The following ABCA12 variants were observed in gnomAD, a reference collection of about 807,000 sequenced individuals.
ABCA12 encodes ATP binding cassette subfamily A member 12, also known as glucosylceramide transporter ABCA12.
ABCA12 carries 156 observed loss-of-function variants against 293.5 expected under a neutral mutation model. The ratio of observed to expected loss-of-function variants is 0.53; its 90% CI spans 0.47 to 0.61. The LOEUF (loss-of-function observed/expected upper bound fraction) is 0.61, where lower values mean the gene tolerates loss of function less well. ABCA12 is among the 20% of genes least tolerant of loss of function. The pLI is 0.00. For synonymous variants in ABCA12, 1,063 were observed against 1,108.0 expected (o/e 0.96, Z 0.81); for missense variants, 2,797 against 3,090.2 (o/e 0.91, Z 2.25).
chr2:215,108,087 G>A (rs1337029798), intron 2 of ABCA12, among the ~76,000 whole-genome samples: 1 of 152,114 alleles, frequency 6.6e-6, no homozygotes, highest in African/African-American at 2.4e-5. Context: ...CCATGGCTGA[G>A]TTTCATTTAG....
At chr2:215,112,214 A>T (rs932707082) in intron 1 of ABCA12, among the ~76,000 whole-genome samples, 6 of 152,206 alleles carry the variant, frequency 3.9e-5, no homozygotes, top group African/African-American at 7.2e-5. Context: ...CAAAAAAGAA[A>T]TAATTGAGTC....
intron 34 of ABCA12, 141 bp from the exon 35 acceptor site, chr2:214,975,005 C>G (rs1176239365): frequency 1.3e-6 from 1 of 753,632 alleles, no homozygotes; most frequent in Non-Finnish European, 2.2e-6. Context: ...CCGTGTTGCC[C>G]AGGCTGGAGT....
chr2:215,050,302 T>C (rs1374400405), intron 5 of ABCA12, among the ~76,000 whole-genome samples: 1 of 151,976 alleles, frequency 6.6e-6, no homozygotes, highest in African/African-American at 2.4e-5. Context: ...AAATATAGAT[T>C]GCTTCATTTG....
At chr2:214,999,324 G>A (rs1700095622) in intron 22 of ABCA12, among the ~76,000 whole-genome samples, 1 of 152,172 alleles carries the variant, frequency 6.6e-6, no homozygotes, top group Non-Finnish European at 1.5e-5. Flanking sequence ...CTAGTATAAA[G>A]CAGAAATGTT....
At chr2:215,044,417 A>G (rs559645460) in intron 7 of ABCA12, 3 of 152,310 alleles carry the variant, frequency 2.0e-5, no homozygotes, top group Admixed American at 6.5e-5. Context: ...CTGCTACACT[A>G]TACAAGTCAA....
intron 7 of ABCA12, among the ~76,000 whole-genome samples, chr2:215,039,379 T>C (rs989573502): frequency 1.3e-5 from 2 of 152,234 alleles, no homozygotes; most frequent in Non-Finnish European, 2.9e-5. Flanking sequence ...TTAGTGACAC[T>C]GTCAGCTTTA....
intron 3 of ABCA12, among the ~76,000 whole-genome samples, chr2:215,058,515 C>T (rs1386524345): frequency 6.6e-6 from 1 of 152,004 alleles, no homozygotes; most frequent in Non-Finnish European, 1.5e-5. Context: ...CTATCTCATA[C>T]TGGATATCTC....
chr2:215,133,685 A>G (rs942623652), intron 1 of ABCA12, among the ~76,000 whole-genome samples: 2 of 152,120 alleles, frequency 1.3e-5, no homozygotes, highest in African/African-American at 2.4e-5. Context: ...TAACATTTCT[A>G]TTAGTACTTA....
At chr2:215,007,603 G>A (rs1700281922) in intron 19 of ABCA12, 124 bp downstream of exon 19, 3 of 1,279,086 alleles carry the variant, frequency 2.3e-6, no homozygotes, top group African/African-American at 1.5e-5. Flanking sequence ...CTTCTCTCTG[G>A]AAGAGAGGCA....
Position 214,974,777 on chromosome 2 carries a change from C to G in ABCA12, c.5468+1G>C. 1 of 1,613,882 alleles carries G rather than the reference C, an allele frequency of 6.2e-7. No individual in the cohort carries two copies. The highest frequency in any genetic ancestry group is 2.2e-5 in the East Asian group (1 of 44,870). ...AAAATAGAAGAGCAAGAACCACTTA[C>G]AGATCACTGGTGTTCAGACACATGT... On this transcript the variant is annotated splice_donor_variant, in intron 35 of 52. Transcript: ENST00000272895. LOFTEE classifies it high-confidence loss of function.
intron 2 of ABCA12, among the ~76,000 whole-genome samples, chr2:215,099,604 G>A (rs765177918): frequency 5.9e-5 from 9 of 151,338 alleles, no homozygotes; most frequent in Non-Finnish European, 1.0e-4. Context: ...GAGGCAGTAG[G>A]ATCACTTGAA....
intron 2 of ABCA12, among the ~76,000 whole-genome samples, chr2:215,110,276 C>A (rs145800632): frequency 2.0e-5 from 3 of 152,026 alleles, no homozygotes; most frequent in African/African-American, 7.2e-5. Context: ...TTTGGGAGGC[C>A]GAGGTGGGTG....
In ABCA12 at chr2:215,012,150, A is replaced by G. The variant is rs759682630; in HGVS notation, c.1957-15T>C. On this transcript the variant is annotated splice_polypyrimidine_tract_variant and intron_variant, in intron 15 of 52. Transcript: ENST00000272895. ...GGGAAAAACACCTAACAGAAACAGA[A>G]TAAAAATAAATGCTTTATGTGGAAA... The G allele has an allele frequency of 6.2e-7, 1 of 1,612,758 alleles. No individual in the cohort carries two copies. Among genetic ancestry groups the G allele is most frequent in the Non-Finnish European group, 8.5e-7 (1 of 1,179,162 alleles).
intron 45 of ABCA12, 53 bp downstream of exon 45, chr2:214,950,826 T>C: frequency 6.4e-7 from 1 of 1,572,054 alleles, no homozygotes; most frequent in Admixed American, 1.7e-5. Flanking sequence ...TTTTAATTTG[T>C]CACATAGTAT....
intron 9 of ABCA12, among the ~76,000 whole-genome samples, chr2:215,028,274 A>G (rs1700793902): frequency 1.3e-5 from 2 of 152,252 alleles, no homozygotes; most frequent in Non-Finnish European, 1.5e-5. Flanking sequence ...GGGTGTTTAA[A>G]TGTGGGTTAA....
chr2:215,000,786 A>G lies in ABCA12; in HGVS notation c.3098T>C (p.Ile1033Thr), dbSNP rs754684869. 15 of 1,614,026 alleles carry G rather than the reference A, an allele frequency of 9.3e-6. No individual in the cohort carries two copies. The highest frequency in any genetic ancestry group is 2.2e-5 in the East Asian group (1 of 44,898). The change falls in exon 22 of 53, where the codon ATT becomes ACT. Residue 1033 changes from isoleucine (I) to threonine (T), a missense_variant. By Grantham distance (89) the Ile-to-Thr change is moderately conservative. Around this residue, in one of 3 missense-constraint regions of ABCA12, gnomAD observed 2,130 missense variants for 2,427.0 expected, o/e 0.88. Transcript: ENST00000272895. The stretch of plus-strand genomic sequence containing the variant: ...GGAGTTCCTTCCAGTTTGCAATTCA[A>G]TGATTGCTCTTTCAATACTATCCTG... ...YLQDSIERAI[I>T]ELQTGRNSQE...
chr2:214,941,079 C>A (rs1205331707), intron 50 of ABCA12, among the ~76,000 whole-genome samples: 1 of 151,888 alleles, frequency 6.6e-6, no homozygotes, highest in Non-Finnish European at 1.5e-5. Context: ...AGATCTTTCC[C>A]ATTTTCTCCT....
At chr2:215,088,865 A>G (rs1341103136) in intron 2 of ABCA12, among the ~76,000 whole-genome samples, 1 of 152,210 alleles carries the variant, frequency 6.6e-6, no homozygotes, top group Non-Finnish European at 1.5e-5. Flanking sequence ...AATGAGCTTT[A>G]GTAGCAAAAA....
rs1273477780 is a variant in ABCA12, at chr2:215,001,575, C to A, written c.2846G>T (p.Ser949Ile). 1.2e-6 allele frequency: 2 copies of A among 1,613,690 alleles called. No homozygotes were observed. Among genetic ancestry groups the A allele is most frequent in the Non-Finnish European group, 1.7e-6 (2 of 1,179,732 alleles). ...GCACTTACTTCCAAAGAGTTCGTTG[C>A]TTTTGTAGAGCCTTTTAGCCTCTCT... ...MEREAKRLYK[S>I]NELFGSVIFK... The change falls in exon 21 of 53, where the codon AGC (serine) becomes ATC (isoleucine). Residue 949 changes from serine to isoleucine, a missense_variant. Around this residue, in one of 3 missense-constraint regions of ABCA12, gnomAD observed 2,130 missense variants for 2,427.0 expected, o/e 0.88. Coordinates refer to ENST00000272895, the MANE Select transcript of ABCA12 (RefSeq NM_173076.3).
Sources: allele counts gnomAD v4.1 joint callset (sites outside exome capture counted in the v4.1 genomes callset), GRCh38; gene constraint gnomAD v4.1.1; regional missense constraint gnomAD v4.1.1; transcripts MANE v1.5; gene names NCBI Gene and HGNC (gene_info 2026-07-23, HGNC 2026-07-21).